COL25A1: variants seen among roughly 807,000 people sequenced by gnomAD.
The protein encoded by COL25A1 is collagen type XXV alpha 1 chain.
A neutral mutation model predicts 128.4 loss-of-function variants in COL25A1; 103 were observed. The observed-to-expected ratio is 0.80, with a 90% CI of 0.68 to 0.94. The LOEUF (loss-of-function observed/expected upper bound fraction) is 0.94, where lower values mean the gene tolerates loss of function less well. Ranked by LOEUF, COL25A1 falls within the 40% of genes least tolerant of loss-of-function variation. The probability of loss-of-function intolerance (pLI) is 0.00; values close to 1 mark genes in which losing one functional copy is unlikely to be tolerated. For synonymous variants in COL25A1, 279 were observed against 277.2 expected (o/e 1.01, Z -0.06); for missense variants, 745 against 840.0 (o/e 0.89, Z 1.40).
intron 3 of COL25A1, among the ~76,000 whole-genome samples, chr4:109,260,859 C>A (rs1398374026): frequency 6.6e-6 from 1 of 150,834 alleles, no homozygotes; most frequent in African/African-American, 2.5e-5. Context: ...GGAAAAAAAA[C>A]AATATTATAA....
intron 24 of COL25A1, among the ~76,000 whole-genome samples, chr4:108,858,644 T>TG (rs1736800334): frequency 6.6e-6 from 1 of 152,036 alleles, no homozygotes; most frequent in African/African-American, 2.4e-5. Context: ...CTTGGACAGC[T>TG]GGGGGCATAC....
chr4:109,280,916 A>C (rs542668665), intron 3 of COL25A1, among the ~76,000 whole-genome samples: 2 of 152,272 alleles, frequency 1.3e-5, no homozygotes, highest in Admixed American at 1.3e-4. Flanking sequence ...AAGTGGCTGA[A>C]ATACTTAATG....
chr4:109,154,386 T>A (rs1441367051), intron 3 of COL25A1, among the ~76,000 whole-genome samples: 1 of 152,220 alleles, frequency 6.6e-6, no homozygotes, highest in African/African-American at 2.4e-5. Context: ...TGAAGTCCTC[T>A]GCCACTCAGG....
chr4:108,953,496 T>C (rs951417617), intron 8 of COL25A1, among the ~76,000 whole-genome samples: 12 of 152,132 alleles, frequency 7.9e-5, no homozygotes, highest in Admixed American at 7.2e-4. Context: ...TGGAGTAAAC[T>C]GAAATGACTA....
chr4:109,123,275 A>G (rs946462264), intron 3 of COL25A1, among the ~76,000 whole-genome samples: 2 of 151,974 alleles, frequency 1.3e-5, no homozygotes, highest in African/African-American at 4.8e-5. Flanking sequence ...AAAAATAAGG[A>G]TCCAATGCCA....
Position 108,862,416 on chromosome 4 carries a change from T to TG in COL25A1, c.1197+84dup. 5.0e-6 allele frequency: 5 copies of TG among 1,005,944 alleles called. No homozygotes were observed. In the South Asian group the frequency reaches 6.5e-5, roughly 13 times the overall value. The allele number at this position is 1,005,944 out of a possible 1,614,324, so 62.3% of individuals were successfully genotyped here. ...GTGTGAAAGAGTTTAATCTAAAACA[T>TG]GAAAAACATGCCTCTGTGGCAAAGG... On this transcript the variant is annotated intron_variant, in intron 22 of 37. Transcript: ENST00000399132.
chr4:109,069,968 ATTT>A (rs201884527), intron 3 of COL25A1, among the ~76,000 whole-genome samples: 8 of 127,254 alleles, frequency 6.3e-5, no homozygotes, highest in Non-Finnish European at 3.6e-5. Context: ...AAGAGCAATA[ATTT>A]TTTTTTTTTT....
chr4:108,891,096 G>A (rs1445680140), intron 16 of COL25A1, among the ~76,000 whole-genome samples: 2 of 152,036 alleles, frequency 1.3e-5, no homozygotes, highest in African/African-American at 4.8e-5. Context: ...TTCAGTTCCC[G>A]GGCCCATAGT....
chr4:108,993,860 C>CAAA (rs34070808), intron 6 of COL25A1, among the ~76,000 whole-genome samples: 98,652 of 132,222 alleles, frequency 0.75, 38,671 homozygotes, highest in East Asian at 0.97. Context: ...AACTCCATCT[C>CAAA]AAAAAAAAAA....
chr4:109,186,476 T>A (rs567858552), intron 3 of COL25A1, among the ~76,000 whole-genome samples: 2 of 152,340 alleles, frequency 1.3e-5, no homozygotes, highest in East Asian at 3.9e-4. Flanking sequence ...TGTGATCTCA[T>A]CAATTACATT....
At chr4:108,923,193 C>G (rs1206593043) in intron 11 of COL25A1, among the ~76,000 whole-genome samples, 2 of 152,042 alleles carry the variant, frequency 1.3e-5, no homozygotes, top group Admixed American at 1.3e-4. Flanking sequence ...TCAAAGTTTC[C>G]CTACTCAAAA....
intron 3 of COL25A1, among the ~76,000 whole-genome samples, chr4:109,214,692 T>G (rs1777851854): frequency 6.6e-6 from 1 of 151,826 alleles, no homozygotes; most frequent in Non-Finnish European, 1.5e-5. Flanking sequence ...AGATGAAACA[T>G]ACAACAAAAG....
chr4:109,198,619 T>C (rs1473480006), intron 3 of COL25A1, among the ~76,000 whole-genome samples: 1 of 152,172 alleles, frequency 6.6e-6, no homozygotes, highest in Admixed American at 6.5e-5. Flanking sequence ...CCTGATTGCA[T>C]TCTATGCTAG....
intron 3 of COL25A1, among the ~76,000 whole-genome samples, chr4:109,186,114 G>A (rs1280699188): frequency 6.6e-6 from 1 of 152,032 alleles, no homozygotes; most frequent in Non-Finnish European, 1.5e-5. Flanking sequence ...TCATTCTTCC[G>A]ACCTTCCAGC....
intron 3 of COL25A1, among the ~76,000 whole-genome samples, chr4:109,058,349 T>C (rs1250943601): frequency 6.6e-6 from 1 of 152,130 alleles, no homozygotes; most frequent in African/African-American, 2.4e-5. Flanking sequence ...AGGAAAGATA[T>C]GATTCTTTGT....
At chr4:108,933,180 C>A (rs1444810469) in intron 11 of COL25A1, among the ~76,000 whole-genome samples, 1 of 152,188 alleles carries the variant, frequency 6.6e-6, no homozygotes, top group African/African-American at 2.4e-5. Flanking sequence ...CTGAGACACT[C>A]ATGCAGTTTT....
chr4:108,899,079 T>A (rs1742514916), intron 15 of COL25A1, 75 bp downstream of exon 15: 1 of 1,443,002 alleles, frequency 6.9e-7, no homozygotes, highest in Non-Finnish European at 9.6e-7. Context: ...ATGCATATAG[T>A]TTAGTTTGAG....
chr4:108,933,906 T>G (rs2125918147), intron 11 of COL25A1, among the ~76,000 whole-genome samples: 1 of 151,984 alleles, frequency 6.6e-6, no homozygotes, highest in East Asian at 1.9e-4. Context: ...TCTAAGTTTC[T>G]AAGAAAAATT....
In COL25A1 at chr4:109,091,513, CTGTG is replaced by C. The variant is rs371065937; in HGVS notation, c.368-41338_368-41335del. Among the ~76,000 whole-genome samples, 18 of 151,720 alleles carry C rather than the reference CTGTG, an allele frequency of 1.2e-4. No individual in the cohort carries two copies. In the South Asian group the frequency reaches 1.5e-3, roughly 12 times the overall value. On this transcript the variant is annotated intron_variant, in intron 3 of 37. Transcript: ENST00000399132. ...ACCGTTATTTTCATCCAAATCGTCT[CTGTG>C]TGTGTGTGTGTCTGTCTATCTAGCC...
Sources: gnomAD v4.1 joint callset for allele counts (sites outside exome capture counted in the v4.1 genomes callset) on GRCh38, gnomAD v4.1.1 for gene constraint, MANE v1.5 for transcripts, NCBI Gene and HGNC (gene_info 2026-07-23, HGNC 2026-07-21) for gene names.